Variants in AKAP13 observed in about 807,000 individuals in gnomAD.
AKAP13 encodes the protein A-kinase anchor protein 13.
In AKAP13, 80 loss-of-function variants were observed where a neutral mutation model predicts 264.5. The ratio of observed to expected loss-of-function variants is 0.30; its 90% CI spans 0.25 to 0.36. The LOEUF (loss-of-function observed/expected upper bound fraction) is 0.36. Ranked by LOEUF, AKAP13 falls within the 10% of genes least tolerant of loss-of-function variation. The pLI is 1.00. For synonymous variants in AKAP13, 1,380 were observed against 1,250.2 expected, an observed-to-expected ratio of 1.10 and a Z score of -2.19; for missense variants, 3,712 against 3,435.2, an observed-to-expected ratio of 1.08 and a Z score of -2.01.
At chr15:85,693,646 G>A (rs934898351) in intron 17 of AKAP13, among the ~76,000 whole-genome samples, 195 bp downstream of exon 17, 3 of 152,168 alleles carry the variant, frequency 2.0e-5, no homozygotes, top group Admixed American at 6.5e-5. Flanking sequence ...TTTTCAGACA[G>A]CCCCAATTTC....
chr15:85,557,720 C>T (rs959495228), intron 5 of AKAP13, among the ~76,000 whole-genome samples: 5 of 152,138 alleles, frequency 3.3e-5, no homozygotes, highest in Admixed American at 2.6e-4. Flanking sequence ...AAGTGATTTG[C>T]CTGCCTCAGC....
In AKAP13 at chr15:85,748,484, T is replaced by G. The variant is rs2089434007; in HGVS notation, c.*3807T>G. On this transcript the variant is annotated 3_prime_UTR_variant, in exon 37 of 37. Coordinates refer to ENST00000394518, the MANE Select transcript of AKAP13 (RefSeq NM_007200.5). ...GATGCGTCCCAGCCAGCCCCGTCGC[T>G]CTCGTCCATCCTCAGAGACAAAGAA... 6.6e-6 allele frequency: 1 copy of G among 152,226 alleles called. No homozygotes were observed. Among genetic ancestry groups the G allele is most frequent in the Non-Finnish European group, 1.5e-5 (1 of 68,070 alleles). 9.4% of individuals were successfully genotyped at this position (152,226 alleles called of 1,614,324 possible).
intron 20 of AKAP13, among the ~76,000 whole-genome samples, chr15:85,716,442 T>A (rs1486431498): frequency 6.6e-6 from 1 of 152,214 alleles, no homozygotes; most frequent in African/African-American, 2.4e-5. Flanking sequence ...GAGTTTCTTT[T>A]CTGGTCTCCT....
At chr15:85,585,673 T>C in intron 7 of AKAP13, 29 bp from the exon 8 acceptor site, 1 of 1,613,424 alleles carries the variant, frequency 6.2e-7, no homozygotes, top group South Asian at 1.1e-5. Context: ...TTTTTAAAAA[T>C]GTACTCTGTA....
intron 1 of AKAP13, among the ~76,000 whole-genome samples, chr15:85,437,900 C>T (rs1208485943): frequency 6.7e-6 from 1 of 149,728 alleles, no homozygotes; most frequent in Non-Finnish European, 1.5e-5. Context: ...CCTTTGAAAA[C>T]TGGCACAAGA....
chr15:85,420,236 C>T (rs999185674), intron 1 of AKAP13, among the ~76,000 whole-genome samples: 5 of 151,858 alleles, frequency 3.3e-5, no homozygotes, highest in East Asian at 1.9e-4. Context: ...CCACCGCGCC[C>T]GGCCTTTTTT....
chr15:85,382,576 G>A (rs1203395794), intron 1 of AKAP13, among the ~76,000 whole-genome samples: 1 of 152,196 alleles, frequency 6.6e-6, no homozygotes, highest in South Asian at 2.1e-4. Context: ...ACAACATGAC[G>A]TGACGAGTGC....
intron 16 of AKAP13, among the ~76,000 whole-genome samples, chr15:85,690,637 A>C (rs1056988248): frequency 2.6e-5 from 4 of 152,230 alleles, no homozygotes; most frequent in Non-Finnish European, 5.9e-5. Context: ...TCATAGATCT[A>C]GCAATTATTT....
At position 85,693,410 on chromosome 15, in the gene AKAP13, G is replaced by T; in HGVS notation, c.5423G>T (p.Cys1808Phe). 6.2e-7 allele frequency: 1 copy of T among 1,613,602 alleles called. No individual in the cohort carries two copies. The highest frequency in any genetic ancestry group is 1.1e-5 in the South Asian group (1 of 90,878). The change falls in exon 17 of 37, where the codon TGT becomes TTT. Residue 1808 changes from cysteine to phenylalanine, a missense_variant. Around this residue, in one of 3 missense-constraint regions of AKAP13, gnomAD observed 2,759 missense variants for 2,411.7 expected, o/e 1.14. Coordinates refer to ENST00000394518, the MANE Select transcript of AKAP13 (RefSeq NM_007200.5). ...PVVGPISCSQ[C>F]MKPFTNKDAY... ...GTGGGTCCCATCAGCTGTAGCCAGTGTATGAAGCCCTTCACCAACAAAGAT... is the reference window on the plus strand; with the variant it reads ...GTGGGTCCCATCAGCTGTAGCCAGTTTATGAAGCCCTTCACCAACAAAGAT...
At position 85,747,170 on chromosome 15, in the gene AKAP13, A is replaced by ACAGT. The variant is rs2089395685; in HGVS notation, c.*2495_*2498dup. The stretch of plus-strand genomic sequence containing the variant: ...AAACCACCCAACTTCATCCAGGAAT[A>ACAGT]CAGTCTGCAGTGCAGCAACAGAACC... On this transcript the variant is annotated 3_prime_UTR_variant, in exon 37 of 37. Coordinates refer to ENST00000394518, the MANE Select transcript of AKAP13 (RefSeq NM_007200.5). The ACAGT allele has an allele frequency of 6.6e-6, 1 of 152,234 alleles. No individual in the cohort carries two copies. Among genetic ancestry groups the ACAGT allele is most frequent in the African/African-American group, 2.4e-5 (1 of 41,456 alleles). 9.4% of individuals were successfully genotyped at this position (152,234 alleles called of 1,614,324 possible). A position where few individuals can be genotyped will look rare whatever the true frequency, so the allele number is the denominator to read the frequency against.
At chr15:85,549,367 A>T (rs996606543) in intron 5 of AKAP13, among the ~76,000 whole-genome samples, 3 of 152,226 alleles carry the variant, frequency 2.0e-5, no homozygotes, top group Non-Finnish European at 2.9e-5. Context: ...GTGGTGGCAT[A>T]CAAGTGCTGA....
chr15:85,667,644 C>T (rs1409213867), intron 13 of AKAP13, among the ~76,000 whole-genome samples: 1 of 152,158 alleles, frequency 6.6e-6, no homozygotes, highest in African/African-American at 2.4e-5. Flanking sequence ...ACTGACATAT[C>T]CCTTCAGATT....
chr15:85,520,170 T>TA (rs2076763249), intron 2 of AKAP13, among the ~76,000 whole-genome samples: 8 of 139,152 alleles, frequency 5.7e-5, no homozygotes, highest in Non-Finnish European at 1.2e-4. Context: ...TGGCCTTGAT[T>TA]TAAAAAAAAA....
At chr15:85,693,184 G>C (rs2085386277) in intron 16 of AKAP13, 93 bp from the exon 17 acceptor site, 1 of 1,416,150 alleles carries the variant, frequency 7.1e-7, no homozygotes, top group Non-Finnish European at 9.2e-7. Context: ...ATAGTCACCA[G>C]CTGTTGTTAA....
intron 16 of AKAP13, among the ~76,000 whole-genome samples, chr15:85,691,362 C>T (rs1453081122): frequency 6.6e-6 from 1 of 152,176 alleles, no homozygotes; most frequent in Admixed American, 6.5e-5. Context: ...GGTTATATCC[C>T]CATGGTCCTG....
intron 2 of AKAP13, among the ~76,000 whole-genome samples, chr15:85,499,902 A>G (rs1367600868): frequency 1.3e-5 from 2 of 151,982 alleles, no homozygotes; most frequent in Admixed American, 1.3e-4. Context: ...TATTTGAATT[A>G]TTATTTTATT....
intron 1 of AKAP13, among the ~76,000 whole-genome samples, chr15:85,469,565 A>T (rs1216501822): frequency 6.6e-6 from 1 of 152,212 alleles, no homozygotes; most frequent in Non-Finnish European, 1.5e-5. Flanking sequence ...TGGACCCACC[A>T]GCTGCAAGAT....
chr15:85,469,985 A>G (rs918426212), intron 1 of AKAP13, among the ~76,000 whole-genome samples: 1 of 152,214 alleles, frequency 6.6e-6, no homozygotes, highest in Admixed American at 6.5e-5. Context: ...CATATAGGGC[A>G]GTACTAAAGA....
intron 12 of AKAP13, among the ~76,000 whole-genome samples, chr15:85,662,163 CT>C (rs993897798): frequency 6.6e-6 from 1 of 152,180 alleles, no homozygotes; most frequent in Non-Finnish European, 1.5e-5. Context: ...AACCCACAGT[CT>C]TTTTCCACAA....
Sources: gnomAD v4.1 joint callset for allele counts (sites outside exome capture counted in the v4.1 genomes callset) on GRCh38, gnomAD v4.1.1 for gene constraint, gnomAD v4.1.1 regional missense constraint, MANE v1.5 for transcripts, NCBI Gene and HGNC (gene_info 2026-07-23, HGNC 2026-07-21) for gene names.